COL1A2: variants seen among roughly 807,000 people sequenced by gnomAD.
COL1A2 encodes the protein collagen alpha-2(I) chain.
A neutral mutation model predicts 174.3 loss-of-function variants in COL1A2; 49 were observed. The observed-to-expected ratio is 0.28, with a 90% CI of 0.22 to 0.36. The LOEUF is 0.36. Ranked by LOEUF, COL1A2 falls within the 10% of genes least tolerant of loss-of-function variation. The pLI, the probability that COL1A2 is intolerant of heterozygous loss-of-function variation, is 1.00. For synonymous variants in COL1A2, 655 were observed against 606.6 expected, an observed-to-expected ratio of 1.08 and a Z score of -1.17; for missense variants, 1,438 against 1,822.7, an observed-to-expected ratio of 0.79 and a Z score of 3.84.
rs751932281 is a variant in COL1A2, at chr7:94,430,236, T to C, written c.3955-11T>C. 6.2e-6 allele frequency: 10 copies of C among 1,613,122 alleles called. No homozygotes were observed. In the East Asian group the frequency reaches 2.0e-4, roughly 32 times the overall value. On this transcript the variant is annotated splice_polypyrimidine_tract_variant and intron_variant, in intron 51 of 51. Transcript: ENST00000297268. ...GATGCTTTGTGTATCTATTTTCTTC[T>C]CTTTAAACAGAAAAAGACAAATGAA...
At chr7:94,408,737 G>A in intron 15 of COL1A2, 33 bp from the exon 16 acceptor site, 1 of 1,611,966 alleles carries the variant, frequency 6.2e-7, no homozygotes, top group Non-Finnish European at 8.5e-7. Flanking sequence ...TTACTTGGAG[G>A]AAATTTCTTA....
chr7:94,403,667 GCA>G (rs1791735363), intron 6 of COL1A2, among the ~76,000 whole-genome samples: 1 of 151,986 alleles, frequency 6.6e-6, no homozygotes. Context: ...TTCACTCTAG[GCA>G]TTAATACAGT....
chr7:94,408,950 A>G, intron 16 of COL1A2, 127 bp downstream of exon 16: 1 of 920,086 alleles, frequency 1.1e-6, no homozygotes, highest in Non-Finnish European at 1.7e-6. Flanking sequence ...CTTCCCTTCA[A>G]AATGGACATA....
intron 30 of COL1A2, 57 bp from the exon 31 acceptor site, chr7:94,416,348 A>C (rs1327134213): frequency 1.4e-6 from 2 of 1,416,592 alleles, no homozygotes; most frequent in Non-Finnish European, 2.0e-6. Context: ...TCATATGTAA[A>C]ACAGTATCAC....
Position 94,425,556 on chromosome 7 carries a change from C to T in COL1A2, c.2782-54C>T. 2.6e-6 allele frequency: 4 copies of T among 1,551,896 alleles called. No individual in the cohort carries two copies. In the South Asian group the frequency reaches 4.5e-5, roughly 17 times the overall value. On this transcript the variant is annotated intron_variant, in intron 42 of 51. Coordinates refer to ENST00000297268, the MANE Select transcript of COL1A2 (RefSeq NM_000089.4). ...AGACAGAGTAGCTACAACATAGGGG[C>T]TGGTAGGCAGCAGAGCCTCACCAAC...
chr7:94,430,045 G>T (rs1792366728), intron 51 of COL1A2: 3 of 595,176 alleles, frequency 5.0e-6, no homozygotes, highest in Non-Finnish European at 8.9e-6. Flanking sequence ...TTGTTTGTTT[G>T]TTTTTTGTTA....
intron 12 of COL1A2, 33 bp downstream of exon 12, chr7:94,406,336 C>T: frequency 6.2e-7 from 1 of 1,606,024 alleles, no homozygotes. Flanking sequence ...TGTTTTTAAG[C>T]ACTTGATTGA....
chr7:94,426,669 A>G (rs1419580589), intron 46 of COL1A2, 139 bp downstream of exon 46: 2 of 762,346 alleles, frequency 2.6e-6, no homozygotes, highest in African/African-American at 1.7e-5. Context: ...ACTCCATCTC[A>G]CTCTTGGAGG....
intron 10 of COL1A2, 133 bp from the exon 11 acceptor site, chr7:94,405,540 T>C: frequency 3.5e-6 from 3 of 865,042 alleles, no homozygotes; most frequent in Non-Finnish European, 4.0e-6. Flanking sequence ...TTTGTCACTC[T>C]GTGCTTAGAG....
intron 16 of COL1A2, 117 bp downstream of exon 16, chr7:94,408,940 C>A: frequency 1.0e-6 from 1 of 988,862 alleles, no homozygotes; most frequent in Non-Finnish European, 1.6e-6. Context: ...TTAATTATTC[C>A]TTCCCTTCAA....
chr7:94,427,668 A>C lies in COL1A2; in HGVS notation c.3309A>C (p.Val1103=). The C allele has an allele frequency of 6.2e-7, 1 of 1,614,108 alleles. No homozygotes were observed. Among genetic ancestry groups the C allele is most frequent in the Non-Finnish European group, 8.5e-7 (1 of 1,180,008 alleles). Reference sequence around the variant, plus strand: ...CTGGCCCTCCTGGACCTCCAGGTGTAAGCGGTGGTGGTTATGACTTTGGTT... The same window carrying C: ...CTGGCCCTCCTGGACCTCCAGGTGTCAGCGGTGGTGGTTATGACTTTGGTT... ...GPPGPPGPPG[V]SGGGYDFGYD... The change falls in exon 49 of 52, where the codon GTA becomes GTC. Residue 1103 remains valine, a synonymous_variant. Coordinates refer to ENST00000297268, the MANE Select transcript of COL1A2 (RefSeq NM_000089.4).
rs1010569578 is a variant in COL1A2, at chr7:94,398,920, T to A, written c.97-129T>A. 4 of 870,818 alleles carry A rather than the reference T, an allele frequency of 4.6e-6. No homozygotes were observed. The African/African-American group carries it at 6.7e-5, about 15-fold the overall frequency. The allele number at this position is 870,818 out of a possible 1,614,324, so 53.9% of individuals were successfully genotyped here. On this transcript the variant is annotated intron_variant, in intron 3 of 51. Transcript: ENST00000297268. ...TATCTATTGCATTGTGTCAATTTTTTATATGCTATCTAATAACATTGTAGT... is the reference window on the plus strand; with the variant it reads ...TATCTATTGCATTGTGTCAATTTTTAATATGCTATCTAATAACATTGTAGT...
intron 23 of COL1A2, among the ~76,000 whole-genome samples, 175 bp from the exon 24 acceptor site, chr7:94,411,893 A>G (rs1029422066): frequency 6.6e-6 from 1 of 152,204 alleles, no homozygotes; most frequent in Non-Finnish European, 1.5e-5. Context: ...AATAGAAGAA[A>G]AATTTCAGAA....
intron 31 of COL1A2, 95 bp from the exon 32 acceptor site, chr7:94,417,629 T>C: frequency 1.9e-6 from 2 of 1,066,978 alleles, no homozygotes; most frequent in Non-Finnish European, 2.8e-6. Context: ...AAGAAGCCTG[T>C]CTAGCTAGCT....
At chr7:94,411,783 G>A (rs1198614567) in intron 23 of COL1A2, among the ~76,000 whole-genome samples, 3 of 152,154 alleles carry the variant, frequency 2.0e-5, no homozygotes, top group Non-Finnish European at 2.9e-5. Context: ...GGTAAATAAC[G>A]TGATACATTT....
chr7:94,413,723 C>T lies in COL1A2; in HGVS notation c.1591C>T (p.Gln531Ter). 6.2e-7 allele frequency: 1 copy of T among 1,614,180 alleles called. No individual in the cohort carries two copies. Among genetic ancestry groups the T allele is most frequent in the South Asian group, 1.1e-5 (1 of 91,080 alleles). Residue 531 changes from glutamine (Q) to a stop codon, truncating the protein, a stop_gained, in exon 27 of 52, where the codon CAG becomes TAG. Coordinates refer to ENST00000297268, the MANE Select transcript of COL1A2 (RefSeq NM_000089.4). LOFTEE classifies it high-confidence loss of function. Reference sequence around the variant, plus strand: ...AGGTCCTGATGGAAACAATGGTGCTCAGGGACCTCCTGGACCACAGGTGAG... The same window carrying T: ...AGGTCCTGATGGAAACAATGGTGCTTAGGGACCTCCTGGACCACAGGTGAG... ...APGPDGNNGA[Q>*]GPPGPQGVQG...
intron 16 of COL1A2, among the ~76,000 whole-genome samples, 196 bp from the exon 17 acceptor site, chr7:94,409,126 A>AT (rs1562900678): frequency 1.3e-5 from 2 of 152,206 alleles, no homozygotes; most frequent in Non-Finnish European, 2.9e-5. Context: ...GAGGGAAGGT[A>AT]GTAACAGTAG....
Position 94,405,230 on chromosome 7 carries a change from A to C in COL1A2, c.464A>C (p.Glu155Ala), listed in dbSNP as rs556168739. 1 of 1,614,014 alleles carries C rather than the reference A, an allele frequency of 6.2e-7. No homozygotes were observed. The highest frequency in any genetic ancestry group is 8.5e-7 in the Non-Finnish European group (1 of 1,179,920). The change falls in exon 10 of 52, where the codon GAG (glutamate) becomes GCG (alanine). Residue 155 changes from glutamate to alanine, a missense_variant. By Grantham distance (107) the Glu-to-Ala change is moderately radical. Transcript: ENST00000297268. ...CCTGGAAAACCCGGACGACCTGGTG[A>C]GAGAGGAGTTGTTGGACCACAGGTG... is the stretch of plus-strand genomic sequence containing the variant. ...GHPGKPGRPG[E>A]RGVVGPQGAR... is the part of the protein sequence containing the mutation.
intron 25 of COL1A2, 110 bp downstream of exon 25, chr7:94,412,792 A>C (rs1164043406): frequency 4.3e-6 from 4 of 923,986 alleles, no homozygotes; most frequent in Non-Finnish European, 7.0e-6. Context: ...GTTTCCTTTC[A>C]ACACAGGAAA....
Sources: allele counts gnomAD v4.1 joint callset (sites outside exome capture counted in the v4.1 genomes callset), GRCh38; gene constraint gnomAD v4.1.1; transcripts MANE v1.5; gene names NCBI Gene and HGNC (gene_info 2026-07-23, HGNC 2026-07-21).